HS6ST3: variants seen among roughly 807,000 people sequenced by gnomAD.
The protein encoded by HS6ST3 is heparan-sulfate 6-O-sulfotransferase 3.
A neutral mutation model predicts 36.7 loss-of-function variants in HS6ST3; 12 were observed. The ratio of observed to expected loss-of-function variants is 0.33; its 90% CI spans 0.21 to 0.53. HS6ST3 has a LOEUF of 0.53. HS6ST3 is among the 20% of genes least tolerant of loss of function. HS6ST3 has a pLI of 0.95. For synonymous variants in HS6ST3, 240 were observed against 257.5 expected (o/e 0.93, Z 0.65); for missense variants, 584 against 640.9 (o/e 0.91, Z 0.96).
chr13:96,154,830 A>G (rs1306655426), intron 1 of HS6ST3, among the ~76,000 whole-genome samples: 2 of 152,164 alleles, frequency 1.3e-5, no homozygotes, highest in African/African-American at 4.8e-5. Context: ...TATTGATGGC[A>G]GTGAAATTGG....
intron 1 of HS6ST3, among the ~76,000 whole-genome samples, chr13:96,230,732 T>C (rs1415265548): frequency 6.6e-6 from 1 of 152,044 alleles, no homozygotes; most frequent in Non-Finnish European, 1.5e-5. Flanking sequence ...AAATTGCTTT[T>C]GGGGGCCTCA....
At chr13:96,124,715 C>T (rs1434329691) in intron 1 of HS6ST3, among the ~76,000 whole-genome samples, 1 of 152,166 alleles carries the variant, frequency 6.6e-6, no homozygotes, top group Non-Finnish European at 1.5e-5. Context: ...CACATTAAGA[C>T]CTGGTTTAAC....
chr13:96,514,625 A>G (rs1181387964), intron 1 of HS6ST3, among the ~76,000 whole-genome samples: 4 of 152,182 alleles, frequency 2.6e-5, no homozygotes, highest in Non-Finnish European at 5.9e-5. Flanking sequence ...AAGAGAAGAA[A>G]GGAGGCCTCA....
At chr13:96,154,713 A>C (rs2054102515) in intron 1 of HS6ST3, among the ~76,000 whole-genome samples, 1 of 152,188 alleles carries the variant, frequency 6.6e-6, no homozygotes, top group Non-Finnish European at 1.5e-5. Context: ...AAGGGAAGTA[A>C]AAATTAACAC....
chr13:96,707,145 G>A (rs1295272666), intron 1 of HS6ST3, among the ~76,000 whole-genome samples: 4 of 152,104 alleles, frequency 2.6e-5, no homozygotes, highest in African/African-American at 7.2e-5. Context: ...AACCCCTACT[G>A]TGATGGTATT....
chr13:96,799,990 A>ATATATG (rs1566456864), intron 1 of HS6ST3, among the ~76,000 whole-genome samples: 2 of 122,218 alleles, frequency 1.6e-5, no homozygotes, highest in African/African-American at 8.3e-5. Flanking sequence ...ATGTATATAT[A>ATATATG]TATATATGTA....
intron 1 of HS6ST3, among the ~76,000 whole-genome samples, chr13:96,778,602 A>C (rs1243905613): frequency 6.6e-6 from 1 of 152,262 alleles, no homozygotes; most frequent in Non-Finnish European, 1.5e-5. Context: ...GAAAAATGCA[A>C]ATCAAAACCG....
chr13:96,414,696 G>C (rs577016117), intron 1 of HS6ST3, among the ~76,000 whole-genome samples: 3 of 152,172 alleles, frequency 2.0e-5, no homozygotes, highest in Non-Finnish European at 4.4e-5. Flanking sequence ...TGGCCAGGCT[G>C]GTTTAGAACT....
At chr13:96,534,189 CA>C (rs1404722825) in intron 1 of HS6ST3, among the ~76,000 whole-genome samples, 11 of 152,146 alleles carry the variant, frequency 7.2e-5, no homozygotes, top group Non-Finnish European at 1.6e-4. Context: ...AGCCCTACAG[CA>C]TATGACACAT....
chr13:96,654,257 G>T lies in HS6ST3; in HGVS notation c.708-178233G>T, dbSNP rs555090883. 2.0e-5 allele frequency among the ~76,000 whole-genome samples: 3 copies of T among 152,140 alleles called. No individual in the cohort carries two copies. The South Asian group carries it at 6.2e-4, about 32-fold the overall frequency. On this transcript the variant is annotated intron_variant, in intron 1 of 1. Coordinates refer to ENST00000376705, the MANE Select transcript of HS6ST3 (RefSeq NM_153456.4). ...TTTGGCTTTTGTTGCCATTGCTTTT[G>T]GTGTTTTAGTCATTAAGTCTTTGTC...
At chr13:96,296,970 A>G (rs1438255680) in intron 1 of HS6ST3, among the ~76,000 whole-genome samples, 2 of 152,030 alleles carry the variant, frequency 1.3e-5, no homozygotes, top group African/African-American at 2.4e-5. Flanking sequence ...TCTCTGGTCT[A>G]TTCTCAATAC....
chr13:96,181,505 C>T (rs2054239880), intron 1 of HS6ST3, among the ~76,000 whole-genome samples: 1 of 152,146 alleles, frequency 6.6e-6, no homozygotes, highest in Admixed American at 6.5e-5. Context: ...GCTCAGTGGC[C>T]AGCAGTTTCC....
At chr13:96,496,574 C>T (rs891798963) in intron 1 of HS6ST3, among the ~76,000 whole-genome samples, 1 of 152,044 alleles carries the variant, frequency 6.6e-6, no homozygotes, top group African/African-American at 2.4e-5. Flanking sequence ...AAGAGATATG[C>T]CTGCTCGCAC....
chr13:96,274,839 T>TCACA (rs60430769), intron 1 of HS6ST3, among the ~76,000 whole-genome samples: 3,739 of 126,094 alleles, frequency 0.03, 94 homozygotes, highest in Admixed American at 0.04. Context: ...ACTTAGTCCT[T>TCACA]CACACACACA....
chr13:96,100,016 A>T (rs2053810308), intron 1 of HS6ST3, among the ~76,000 whole-genome samples: 2 of 152,210 alleles, frequency 1.3e-5, no homozygotes, highest in African/African-American at 2.4e-5. Context: ...ACATGCCAAG[A>T]AAGAGATATC....
chr13:96,723,987 T>C lies in HS6ST3; in HGVS notation c.708-108503T>C, dbSNP rs373085624. ...CTATCTTTTCTTTCTTGTTATTTTT[T>C]TCTTTAGTCTCCTTTTTCATTTTAC... On this transcript the variant is annotated intron_variant, in intron 1 of 1. Transcript: ENST00000376705. Among the ~76,000 whole-genome samples the C allele has an allele frequency of 5.3e-5, 8 of 152,186 alleles. No homozygotes were observed. In the East Asian group the frequency reaches 1.5e-3, roughly 29 times the overall value.
intron 1 of HS6ST3, among the ~76,000 whole-genome samples, chr13:96,113,934 A>G (rs981494220): frequency 2.0e-5 from 3 of 152,146 alleles, no homozygotes; most frequent in African/African-American, 7.2e-5. Context: ...TTGATGTAAT[A>G]TTATGCCCCC....
At chr13:96,359,193 T>A (rs973961579) in intron 1 of HS6ST3, among the ~76,000 whole-genome samples, 4 of 152,062 alleles carry the variant, frequency 2.6e-5, no homozygotes, top group African/African-American at 9.7e-5. Flanking sequence ...GGGTTCTCAT[T>A]CTTACTAGAA....
At chr13:96,777,205 G>A (rs897332420) in intron 1 of HS6ST3, among the ~76,000 whole-genome samples, 1 of 152,086 alleles carries the variant, frequency 6.6e-6, no homozygotes, top group African/African-American at 2.4e-5. Flanking sequence ...AACAATAAGG[G>A]CTATTCATGA....
Sources: allele counts gnomAD v4.1 joint callset (sites outside exome capture counted in the v4.1 genomes callset), GRCh38; gene constraint gnomAD v4.1.1; transcripts MANE v1.5; gene names NCBI Gene and HGNC (gene_info 2026-07-23, HGNC 2026-07-21).